Variants in SESTD1 observed in about 807,000 individuals in gnomAD.
The protein encoded by SESTD1 is SEC14 domain and spectrin repeat-containing protein 1.
In SESTD1, 43 loss-of-function variants were observed where a neutral mutation model predicts 101.7. That is an observed-to-expected ratio of 0.42 (90% confidence interval 0.33 to 0.55). The LOEUF (loss-of-function observed/expected upper bound fraction) is 0.55, where lower values mean the gene tolerates loss of function less well. Ranked by LOEUF, SESTD1 falls within the 20% of genes least tolerant of loss-of-function variation. The pLI is 0.07. For missense variants in SESTD1, 647 were observed against 815.1 expected (o/e 0.79, Z 2.51); for synonymous variants, 283 against 286.8 (o/e 0.99, Z 0.13).
intron 1 of SESTD1, among the ~76,000 whole-genome samples, chr2:179,244,273 AT>A (rs1236108898): frequency 2.0e-5 from 3 of 152,138 alleles, no homozygotes; most frequent in Non-Finnish European, 4.4e-5. Context: ...CCTGGCCAAC[AT>A]GGTGAAACCC....
At chr2:179,143,512 T>C in intron 9 of SESTD1, 80 bp downstream of exon 9, 2 of 1,255,434 alleles carry the variant, frequency 1.6e-6, no homozygotes, top group Non-Finnish European at 1.1e-6. Flanking sequence ...ATATAGTGTA[T>C]ATAAGACTTA....
At chr2:179,147,069 A>G (rs1395343265) in intron 7 of SESTD1, among the ~76,000 whole-genome samples, 2 of 152,120 alleles carry the variant, frequency 1.3e-5, no homozygotes, top group Admixed American at 6.5e-5. Context: ...TTGCTGCTCT[A>G]ACTGACTGGT....
At chr2:179,142,968 C>T (rs1335421561) in intron 9 of SESTD1, among the ~76,000 whole-genome samples, 9 of 152,088 alleles carry the variant, frequency 5.9e-5, no homozygotes, top group East Asian at 3.8e-4. Flanking sequence ...AAAACTAGGA[C>T]GTTTCCAGTT....
In SESTD1 at chr2:179,136,311, T is replaced by C. The variant is rs141561703; in HGVS notation, c.850-3885A>G. 4.4e-3 allele frequency among the ~76,000 whole-genome samples: 667 copies of C among 152,316 alleles called. 4 individuals are homozygous for C. Among genetic ancestry groups the C allele is most frequent in the African/African-American group, 0.015 (620 of 41,574 alleles). ...TAGCCTCTATGCTTTTCTTACTTTT[T>C]CTGTAGCCTAGTTCCCTCCGTCCAC... On this transcript the variant is annotated intron_variant, in intron 9 of 17. Transcript: ENST00000428443.
chr2:179,256,748 G>T (rs1209757830), intron 1 of SESTD1, among the ~76,000 whole-genome samples: 1 of 148,936 alleles, frequency 6.7e-6, no homozygotes, highest in Admixed American at 6.8e-5. Context: ...GGAGGCAGAG[G>T]TTGCAGTGAG....
chr2:179,111,700 G>GA, intron 17 of SESTD1, among the ~76,000 whole-genome samples: 1 of 151,632 alleles, frequency 6.6e-6, no homozygotes, highest in South Asian at 2.1e-4. Context: ...AATCACCAGG[G>GA]ATGAAGCTCC....
chr2:179,203,024 G>C lies in SESTD1; in HGVS notation c.-25-11158C>G, dbSNP rs183135041. ...AAGATTTGTCACTGCTGTTCTGTCA[G>C]AGGGGGTGGGGGAGATGTGGAGTCC... On this transcript the variant is annotated intron_variant, in intron 1 of 17. Transcript: ENST00000428443. Among the ~76,000 whole-genome samples, 93 of 135,204 alleles carry C rather than the reference G, an allele frequency of 6.9e-4. 18 individuals are homozygous for C. The highest frequency in any genetic ancestry group is 1.1e-3 in the Non-Finnish European group (69 of 62,796). The allele number at this position is 135,204 out of a possible 152,430, so 88.7% of individuals were successfully genotyped here. A position where few individuals can be genotyped will look rare whatever the true frequency, so the allele number is the denominator to read the frequency against.
intron 1 of SESTD1, among the ~76,000 whole-genome samples, chr2:179,223,447 A>G (rs1466535441): frequency 6.6e-6 from 1 of 152,166 alleles, no homozygotes; most frequent in Non-Finnish European, 1.5e-5. Context: ...ACCTTAGTAA[A>G]GCCATCAAAA....
intron 1 of SESTD1, among the ~76,000 whole-genome samples, chr2:179,197,179 C>T (rs572626150): frequency 3.0e-4 from 46 of 151,524 alleles, no homozygotes; most frequent in Non-Finnish European, 5.3e-4. Flanking sequence ...CCTCAGGAGC[C>T]GATGCAATCA....
intron 5 of SESTD1, among the ~76,000 whole-genome samples, chr2:179,156,830 G>T (rs556324628): frequency 3.3e-5 from 5 of 152,074 alleles, no homozygotes; most frequent in Non-Finnish European, 7.4e-5. Flanking sequence ...ATTTCATTAG[G>T]TCCCAGCTAT....
intron 4 of SESTD1, among the ~76,000 whole-genome samples, chr2:179,173,634 C>A (rs2045962303): frequency 1.3e-5 from 2 of 152,170 alleles, no homozygotes; most frequent in Non-Finnish European, 2.9e-5. Flanking sequence ...ATAGAAACCA[C>A]CTCTGTCTGA....
At chr2:179,198,644 A>C (rs1574029621) in intron 1 of SESTD1, among the ~76,000 whole-genome samples, 1 of 151,952 alleles carries the variant, frequency 6.6e-6, no homozygotes, top group African/African-American at 2.4e-5. Context: ...ACTCAGGATT[A>C]AGAATCTCAC....
chr2:179,156,669 A>G (rs1334134267), intron 5 of SESTD1, among the ~76,000 whole-genome samples: 1 of 151,172 alleles, frequency 6.6e-6, no homozygotes, highest in East Asian at 1.9e-4. Flanking sequence ...TTTTGATGGG[A>G]TTGTTTGCTT....
At chr2:179,198,839 C>T (rs1337496284) in intron 1 of SESTD1, among the ~76,000 whole-genome samples, 2 of 151,370 alleles carry the variant, frequency 1.3e-5, no homozygotes, top group South Asian at 2.1e-4. Flanking sequence ...ACTAAATGCC[C>T]ACAAGAGAAA....
chr2:179,145,178 A>C (rs2045366733), intron 8 of SESTD1, among the ~76,000 whole-genome samples: 1 of 152,334 alleles, frequency 6.6e-6, no homozygotes, highest in African/African-American at 2.4e-5. Flanking sequence ...AAAGCTATGA[A>C]TATCAGAATA....
intron 1 of SESTD1, among the ~76,000 whole-genome samples, chr2:179,192,806 T>A (rs2046337293): frequency 6.6e-6 from 1 of 152,216 alleles, no homozygotes; most frequent in South Asian, 2.1e-4. Context: ...AATTCTATTA[T>A]CCTCTTATAC....
In SESTD1 at chr2:179,198,537, T is replaced by C. The variant is rs546175929; in HGVS notation, c.-25-6671A>G. Among the ~76,000 whole-genome samples the C allele has an allele frequency of 6.6e-5, 10 of 152,124 alleles. No individual in the cohort carries two copies. In the East Asian group the frequency reaches 1.3e-3, roughly 21 times the overall value. On this transcript the variant is annotated intron_variant, in intron 1 of 17. Transcript: ENST00000428443. ...GCACCACACCACACCTATTCCAAAA[T>C]TGACCACATACTTGGAAGTACAGCT...
chr2:179,114,187 T>C (rs2154393722), intron 16 of SESTD1, among the ~76,000 whole-genome samples: 1 of 152,314 alleles, frequency 6.6e-6, no homozygotes, highest in African/African-American at 2.4e-5. Flanking sequence ...ATTAGGCCCA[T>C]GTTAATCAAA....
At chr2:179,148,374 TGAG>T (rs1218151386) in intron 7 of SESTD1, among the ~76,000 whole-genome samples, 3 of 152,204 alleles carry the variant, frequency 2.0e-5, no homozygotes, top group Non-Finnish European at 2.9e-5. Context: ...GCTTTTTATC[TGAG>T]GAGGAGGACT....
Sources: gnomAD v4.1 joint callset for allele counts (sites outside exome capture counted in the v4.1 genomes callset) on GRCh38, gnomAD v4.1.1 for gene constraint, MANE v1.5 for transcripts, NCBI Gene and HGNC (gene_info 2026-07-23, HGNC 2026-07-21) for gene names.